Variants in RTN4R observed in about 807,000 individuals in gnomAD.
The protein encoded by RTN4R is reticulon 4 receptor.
RTN4R carries 4 observed loss-of-function variants against 27.7 expected under a neutral mutation model. The observed-to-expected ratio is 0.14, with a 90% CI of 0.07 to 0.33. The LOEUF is 0.33. Ranked by LOEUF, RTN4R falls within the 10% of genes least tolerant of loss-of-function variation. The probability of loss-of-function intolerance (pLI) is 1.00; values close to 1 mark genes in which losing one functional copy is unlikely to be tolerated. For synonymous variants in RTN4R, 290 were observed against 305.6 expected (o/e 0.95, Z 0.53); for missense variants, 554 against 671.5 (o/e 0.83, Z 1.93).
chr22:20,242,840 G>T lies in RTN4R; in HGVS notation c.293C>A (p.Ala98Glu), dbSNP rs760043964. ...GAGGGCCAGGCCAGTGAAGGCAGCC[G>T]CATCAATTCGGGCCAGCACATTCGA... is the stretch of plus-strand genomic sequence containing the variant. ...LHSNVLARID[A>E]AAFTGLALLE... The change falls in exon 2 of 2, where the codon GCG becomes GAG. Residue 98 changes from alanine to glutamate, a missense_variant. Physicochemically the swap from Ala to Glu is moderately radical, Grantham distance 107 (BLOSUM62 -1). Coordinates refer to ENST00000043402, the MANE Select transcript of RTN4R (RefSeq NM_023004.6). The T allele has an allele frequency of 2.5e-6, 4 of 1,612,910 alleles. No homozygotes were observed. Among genetic ancestry groups the T allele is most frequent in the Non-Finnish European group, 3.4e-6 (4 of 1,179,952 alleles).
chr22:20,257,223 G>C (rs1277067559), intron 1 of RTN4R, among the ~76,000 whole-genome samples: 1 of 152,242 alleles, frequency 6.6e-6, no homozygotes, highest in Non-Finnish European at 1.5e-5. Flanking sequence ...CATGGCTCCA[G>C]CACCCCAGTG....
chr22:20,266,513 G>T (rs1602654219), intron 1 of RTN4R, among the ~76,000 whole-genome samples: 1 of 152,184 alleles, frequency 6.6e-6, no homozygotes, highest in Non-Finnish European at 1.5e-5. Flanking sequence ...GCTGGGTCAC[G>T]TGCTCCAGTC....
At position 20,241,744 on chromosome 22, in the gene RTN4R, C is replaced by T. The variant is rs555150485; in HGVS notation, c.1389G>A (p.Ala463=). 9.7e-6 allele frequency: 15 copies of T among 1,551,190 alleles called. No individual in the cohort carries two copies. The highest frequency in any genetic ancestry group is 2.7e-5 in the African/African-American group (2 of 73,176). ...GCCCAAGCACTGTCCACAGCACCAG[C>T]GCCAGGCCCAGGGGGGTGAGGCTGC... ...LTCSLTPLGL[A]LVLWTVLGPC is the part of the protein sequence containing the mutation. The change falls in exon 2 of 2, where the codon GCG becomes GCA. Residue 463 remains alanine (A), a synonymous_variant. Coordinates refer to ENST00000043402, the MANE Select transcript of RTN4R (RefSeq NM_023004.6).
intron 1 of RTN4R, among the ~76,000 whole-genome samples, chr22:20,266,575 C>T (rs2051277885): frequency 6.6e-6 from 1 of 152,242 alleles, no homozygotes; most frequent in Non-Finnish European, 1.5e-5. Flanking sequence ...CTGTTGGTCA[C>T]AGTGTTGACC....
rs777475105 is a variant in RTN4R, at chr22:20,241,718, G to A, written c.1415C>T (p.Pro472Leu). 6.5e-7 allele frequency: 1 copy of A among 1,549,906 alleles called. No homozygotes were observed. Among genetic ancestry groups the A allele is most frequent in the Non-Finnish European group, 8.7e-7 (1 of 1,146,858 alleles). The change falls in exon 2 of 2, where the codon CCC becomes CTC. Residue 472 changes from proline to leucine, a missense_variant. Pro to Leu is a moderately conservative substitution (Grantham distance 98). Around this residue, in one of 2 missense-constraint regions of RTN4R, gnomAD observed 141 missense variants for 129.2 expected, o/e 1.09. Transcript: ENST00000043402. ...TCTTGTGTCCGCTGGGGGTCAGCAG[G>A]GCCCAAGCACTGTCCACAGCACCAG... ...LALVLWTVLG[P>L]C
chr22:20,265,666 C>T (rs1476977573), intron 1 of RTN4R, among the ~76,000 whole-genome samples: 1 of 152,254 alleles, frequency 6.6e-6, no homozygotes, highest in African/African-American at 2.4e-5. Flanking sequence ...CCTCTCCACT[C>T]ACCTGTGGCC....
chr22:20,249,621 G>A (rs527845671), intron 1 of RTN4R, among the ~76,000 whole-genome samples: 4 of 152,274 alleles, frequency 2.6e-5, no homozygotes, highest in African/African-American at 9.6e-5. Context: ...GAGCCCCCAG[G>A]GCTGGTCAGG....
intron 1 of RTN4R, among the ~76,000 whole-genome samples, chr22:20,252,078 C>T (rs2051186894): frequency 1.1e-5 from 1 of 87,834 alleles, no homozygotes; most frequent in African/African-American, 3.4e-5. Flanking sequence ...TCACCATCCT[C>T]ATCATCACCA....
chr22:20,253,984 CA>C (rs1249363543), intron 1 of RTN4R, among the ~76,000 whole-genome samples: 1 of 151,908 alleles, frequency 6.6e-6, no homozygotes, highest in South Asian at 2.1e-4. Context: ...GAAGAGAAAA[CA>C]AAAAAACTGA....
rs2051106459 is a variant in RTN4R at position 20,241,662 on chromosome 22, G to GT, written c.*48dup. On this transcript the variant is annotated 3_prime_UTR_variant, in exon 2 of 2. Coordinates refer to ENST00000043402, the MANE Select transcript of RTN4R (RefSeq NM_023004.6). ...GCTTGGCGGCGTGGAGAGAGACCCCGTATGTACACACACCTGGCTGCTGAG... is the reference window on the plus strand; with the variant it reads ...GCTTGGCGGCGTGGAGAGAGACCCCGTTATGTACACACACCTGGCTGCTGAG... 1 of 1,543,614 alleles carries GT rather than the reference G, an allele frequency of 6.5e-7. No homozygotes were observed. Among genetic ancestry groups the GT allele is most frequent in the Admixed American group, 2.0e-5 (1 of 50,942 alleles).
At chr22:20,267,567 C>G (rs2051285556) in intron 1 of RTN4R, 1 of 467,736 alleles carries the variant, frequency 2.1e-6, no homozygotes, top group Non-Finnish European at 4.4e-6. Flanking sequence ...CCCACGCCCT[C>G]TACTGCCGCC....
chr22:20,264,834 G>A (rs556152537), intron 1 of RTN4R, among the ~76,000 whole-genome samples: 2 of 152,324 alleles, frequency 1.3e-5, no homozygotes, highest in African/African-American at 4.8e-5. Flanking sequence ...GGGGTCAGAG[G>A]TCAGGCTCAC....
In RTN4R at chr22:20,242,258, C is replaced by G. The variant is rs1432033565; in HGVS notation, c.875G>C (p.Arg292Pro). ...GCGTTTGAGGTCACGGCCAGCCAGG[C>G]GTTGCGGGAGGCTGCAGGGCACCTC... Reference protein sequence around the residue: ...SSEVPCSLPQRLAGRDLKRLA... With the variant: ...SSEVPCSLPQPLAGRDLKRLA... The change falls in exon 2 of 2, where the codon CGC (arginine) becomes CCC (proline). Residue 292 changes from arginine to proline, a missense_variant. Arg to Pro is a moderately radical substitution (Grantham distance 103, BLOSUM62 -2). Coordinates refer to ENST00000043402, the MANE Select transcript of RTN4R (RefSeq NM_023004.6). 6.3e-7 allele frequency: 1 copy of G among 1,598,806 alleles called. No individual in the cohort carries two copies. The highest frequency in any genetic ancestry group is 8.5e-7 in the Non-Finnish European group (1 of 1,173,736).
Position 20,268,071 on chromosome 22 carries a change from C to T in RTN4R, c.22G>A (p.Gly8Arg), listed in dbSNP as rs2051289998. 2 of 1,200,368 alleles carry T rather than the reference C, an allele frequency of 1.7e-6. No individual in the cohort carries two copies. Among genetic ancestry groups the T allele is most frequent in the Non-Finnish European group, 1.0e-6 (1 of 964,450 alleles). The allele number at this position is 1,200,368 out of a possible 1,614,324, so 74.4% of individuals were successfully genotyped here. ...GCTCGGGTGCAGCGCGGACACTCAC[C>T]TCCAGCGGACGCCCTCTTCATCGTA... MKRASAGGSRLLAWVLWL... is the reference protein window; with the variant it reads MKRASAGRSRLLAWVLWL... Residue 8 changes from glycine to arginine, a missense_variant and splice_region_variant, in exon 1 of 2, where the codon GGG becomes AGG. Physicochemically the swap from Gly to Arg is moderately radical, Grantham distance 125. This residue lies in a region of RTN4R where 413 missense variants were observed against 542.3 expected (regional missense o/e 0.76). Transcript: ENST00000043402.
At chr22:20,266,013 G>T (rs977262535) in intron 1 of RTN4R, among the ~76,000 whole-genome samples, 1 of 152,238 alleles carries the variant, frequency 6.6e-6, no homozygotes, top group Non-Finnish European at 1.5e-5. Flanking sequence ...GTTCTGCCAC[G>T]GCAGGCCCTG....
intron 1 of RTN4R, among the ~76,000 whole-genome samples, chr22:20,245,372 G>T (rs2051134537): frequency 6.6e-6 from 1 of 152,234 alleles, no homozygotes; most frequent in Non-Finnish European, 1.5e-5. Flanking sequence ...TGGTCTCCAT[G>T]GCAACCCCTC....
intron 1 of RTN4R, among the ~76,000 whole-genome samples, chr22:20,246,199 T>C (rs545515324): frequency 1.3e-5 from 2 of 152,300 alleles, no homozygotes; most frequent in South Asian, 2.1e-4. Context: ...CTCTCCTGCC[T>C]GGAAGGCTCT....
chr22:20,241,822 C>T lies in RTN4R; in HGVS notation c.1311G>A (p.Gly437=). The change falls in exon 2 of 2, where the codon GGG becomes GGA. Residue 437 remains glycine, a synonymous_variant. Coordinates refer to ENST00000043402, the MANE Select transcript of RTN4R (RefSeq NM_023004.6). ...CTTCTGAGTCACCAGTCCCGCCACC[C>T]CCGCTGCCTGCCTGGCCCAGACGGC... ...SHCRLGQAGS[G]GGGTGDSEGS... is the part of the protein sequence containing the mutation. 6.3e-7 allele frequency: 1 copy of T among 1,594,730 alleles called. No individual in the cohort carries two copies. The highest frequency in any genetic ancestry group is 2.3e-5 in the East Asian group (1 of 43,538).
rs189781478 is a variant in RTN4R, at chr22:20,261,736, G to A, written c.22+6335C>T. Among the ~76,000 whole-genome samples, 1,168 of 152,338 alleles carry A rather than the reference G, an allele frequency of 7.7e-3. 12 individuals are homozygous for A. The highest frequency in any genetic ancestry group is 0.026 in the African/African-American group (1,092 of 41,572). Reference sequence around the variant, plus strand: ...CTGGGCCCTCCCTCCCTGCCAGTGTGGCTGTCCCACCCTTCATGGCTTTCT... The same window carrying A: ...CTGGGCCCTCCCTCCCTGCCAGTGTAGCTGTCCCACCCTTCATGGCTTTCT... On this transcript the variant is annotated intron_variant, in intron 1 of 1. Coordinates refer to ENST00000043402, the MANE Select transcript of RTN4R (RefSeq NM_023004.6).
Sources: allele counts gnomAD v4.1 joint callset (sites outside exome capture counted in the v4.1 genomes callset), GRCh38; gene constraint gnomAD v4.1.1; regional missense constraint gnomAD v4.1.1; transcripts MANE v1.5; gene names NCBI Gene and HGNC (gene_info 2026-07-23, HGNC 2026-07-21).